The following CALN1 variants were observed in gnomAD, a reference collection of about 807,000 sequenced individuals.
CALN1 encodes the protein calcium-binding protein 8.
Under a neutral mutation model 30.6 loss-of-function variants are expected in CALN1, and 17 were observed. The ratio of observed to expected loss-of-function variants is 0.56; its 90% confidence interval spans 0.38 to 0.83. CALN1 has a LOEUF of 0.83. Among genes scored for constraint, CALN1 ranks in the 40% least tolerant of loss-of-function variants. The pLI is 0.00. For missense variants in CALN1, 291 were observed against 354.9 expected, an observed-to-expected ratio of 0.82 and a Z score of 1.45; for synonymous variants, 156 against 131.4, an observed-to-expected ratio of 1.19 and a Z score of -1.28.
intron 5 of CALN1, among the ~76,000 whole-genome samples, chr7:71,953,132 A>T (rs1796779238): frequency 1.3e-5 from 2 of 151,746 alleles, no homozygotes; most frequent in South Asian, 4.2e-4. Context: ...GCTGTTTTTA[A>T]TTTTTTGCAG....
chr7:72,061,720 A>G (rs1214525375), intron 4 of CALN1, among the ~76,000 whole-genome samples: 1 of 151,628 alleles, frequency 6.6e-6, no homozygotes, highest in Non-Finnish European at 1.5e-5. Context: ...AAATATTTAA[A>G]GAAATAATAG....
chr7:71,820,815 A>G (rs10248556), intron 5 of CALN1, among the ~76,000 whole-genome samples: 26,586 of 152,104 alleles, frequency 0.17, 3,431 homozygotes, highest in East Asian at 0.58. Flanking sequence ...GCTGATACAA[A>G]GGTCCCAACA....
intron 3 of CALN1, among the ~76,000 whole-genome samples, chr7:72,273,115 T>C (rs527438806): frequency 2.0e-5 from 3 of 150,886 alleles, no homozygotes; most frequent in East Asian, 2.0e-4. Context: ...ACGGCATGCA[T>C]ATCAATCTCT....
chr7:71,835,200 G>C (rs1454823210), intron 5 of CALN1, among the ~76,000 whole-genome samples: 4 of 152,180 alleles, frequency 2.6e-5, no homozygotes, highest in Non-Finnish European at 4.4e-5. Context: ...CTGGCCTTTT[G>C]TTTTGGTAAC....
At chr7:72,418,095 G>A (rs1007052820) in intron 1 of CALN1, among the ~76,000 whole-genome samples, 6 of 152,124 alleles carry the variant, frequency 3.9e-5, no homozygotes, top group African/African-American at 1.4e-4. Context: ...AATAGGTAGT[G>A]TTTCAACCTT....
intron 3 of CALN1, among the ~76,000 whole-genome samples, chr7:72,177,689 T>C (rs1466256848): frequency 6.8e-6 from 1 of 147,614 alleles, no homozygotes; most frequent in Non-Finnish European, 1.5e-5. Flanking sequence ...CACTTGAACC[T>C]GAGAGGCAGA....
At chr7:72,143,804 G>C (rs1356604931) in intron 3 of CALN1, among the ~76,000 whole-genome samples, 2 of 152,208 alleles carry the variant, frequency 1.3e-5, no homozygotes, top group African/African-American at 2.4e-5. Flanking sequence ...AGCCAGAAGA[G>C]AGTGGGGACC....
the CALN1 span, among the ~76,000 whole-genome samples, chr7:72,454,149 T>A: frequency 6.6e-6 from 1 of 152,030 alleles, no homozygotes; most frequent in Non-Finnish European, 1.5e-5. Context: ...TTAGTGTAGG[T>A]TGTTAGGGAA....
chr7:71,824,308 C>T lies in CALN1; in HGVS notation c.502-13816G>A, dbSNP rs538565407. ...TTCCCCTTCCTCAATCATTGTCCCC[C>T]CAAAATCCAGGAGAAGGCCAGGAGG... On this transcript the variant is annotated intron_variant, in intron 5 of 6. Transcript: ENST00000395275. 1.6e-4 allele frequency among the ~76,000 whole-genome samples: 24 copies of T among 152,248 alleles called. No homozygotes were observed. In the South Asian group the frequency reaches 4.8e-3, roughly 30 times the overall value.
At chr7:71,924,663 A>G (rs1445059662) in intron 5 of CALN1, among the ~76,000 whole-genome samples, 3 of 151,840 alleles carry the variant, frequency 2.0e-5, no homozygotes, top group African/African-American at 7.3e-5. Context: ...ATCTGCCTTC[A>G]TGATATCTGT....
At chr7:72,217,888 G>T (rs1792959154) in intron 3 of CALN1, among the ~76,000 whole-genome samples, 1 of 138,628 alleles carries the variant, frequency 7.2e-6, no homozygotes, top group African/African-American at 2.7e-5. Context: ...TTTCATGCGG[G>T]CTGGACTGCA....
At chr7:72,336,222 A>C (rs537341089) in intron 2 of CALN1, among the ~76,000 whole-genome samples, 11 of 152,204 alleles carry the variant, frequency 7.2e-5, no homozygotes, top group Non-Finnish European at 1.0e-4. Context: ...CCCGATCGCC[A>C]TGACTCCGGC....
chr7:72,061,284 A>T (rs561966561), intron 4 of CALN1, among the ~76,000 whole-genome samples: 3 of 152,340 alleles, frequency 2.0e-5, no homozygotes, highest in East Asian at 3.9e-4. Context: ...TGTATAAGAA[A>T]ACACAATCAC....
chr7:72,102,588 A>G (rs1235388707), intron 4 of CALN1, among the ~76,000 whole-genome samples: 2 of 152,240 alleles, frequency 1.3e-5, no homozygotes, highest in African/African-American at 2.4e-5. Context: ...AAATGAAGTC[A>G]TGATAAATGC....
At chr7:72,127,248 T>A (rs1424204602) in intron 3 of CALN1, among the ~76,000 whole-genome samples, 3 of 151,956 alleles carry the variant, frequency 2.0e-5, no homozygotes, top group Non-Finnish European at 4.4e-5. Flanking sequence ...CAGTGCTAAA[T>A]CCCTAGGTAG....
At chr7:72,494,678 G>A in the CALN1 span, among the ~76,000 whole-genome samples, 2 of 150,682 alleles carry the variant, frequency 1.3e-5, no homozygotes, top group Non-Finnish European at 3.0e-5. Context: ...GGGCAATATA[G>A]CGAGACCCCA....
At position 71,787,707 on chromosome 7, in the gene CALN1, G is replaced by C; in HGVS notation, c.*68C>G. On this transcript the variant is annotated 3_prime_UTR_variant, in exon 7 of 7. Coordinates refer to ENST00000395275, the MANE Select transcript of CALN1 (RefSeq NM_031468.4). ...ATAGGTCCGTGTCTGCTGTGTGGAG[G>C]AAGAGTCTGCCCGCACGGCATGCAC... 1 of 1,590,076 alleles carries C rather than the reference G, an allele frequency of 6.3e-7. No individual in the cohort carries two copies. Among genetic ancestry groups the C allele is most frequent in the Non-Finnish European group, 8.6e-7 (1 of 1,168,456 alleles).
intron 4 of CALN1, among the ~76,000 whole-genome samples, chr7:72,044,697 G>A (rs967639315): frequency 4.9e-5 from 7 of 144,062 alleles, no homozygotes; most frequent in South Asian, 2.2e-4. Flanking sequence ...TTGCAGGCTC[G>A]AACTCCTGGG....
At chr7:72,134,456 T>C (rs1809368899) in intron 3 of CALN1, among the ~76,000 whole-genome samples, 1 of 152,226 alleles carries the variant, frequency 6.6e-6, no homozygotes, top group Non-Finnish European at 1.5e-5. Context: ...GCAGGTTTGG[T>C]TCTGGACTAC....
Sources: gnomAD v4.1 joint callset for allele counts (sites outside exome capture counted in the v4.1 genomes callset) on GRCh38, gnomAD v4.1.1 for gene constraint, MANE v1.5 for transcripts, NCBI Gene and HGNC (gene_info 2026-07-23, HGNC 2026-07-21) for gene names.